Variants in RAB27B observed in about 807,000 individuals in gnomAD.
RAB27B encodes ras-related protein Rab-27B.
Under a neutral mutation model 24.6 loss-of-function variants are expected in RAB27B, and 15 were observed. The observed-to-expected ratio is 0.61, with a 90% CI of 0.41 to 0.94. The LOEUF (loss-of-function observed/expected upper bound fraction) is 0.94, where lower values mean the gene tolerates loss of function less well. Among genes scored for constraint, RAB27B ranks in the 40% least tolerant of loss-of-function variants. RAB27B has a pLI of 0.00. For missense variants in RAB27B, 261 were observed against 266.8 expected, an observed-to-expected ratio of 0.98 and a Z score of 0.15; for synonymous variants, 105 against 92.5, an observed-to-expected ratio of 1.14 and a Z score of -0.78.
chr18:54,784,119 G>A (rs1038219510), intron 2 of RAB27B, among the ~76,000 whole-genome samples: 2 of 152,138 alleles, frequency 1.3e-5, no homozygotes, highest in African/African-American at 4.8e-5. Flanking sequence ...CCTATGGCTG[G>A]AGAGTCATGC....
intron 1 of RAB27B, among the ~76,000 whole-genome samples, chr18:54,835,484 T>C (rs1910858128): frequency 6.6e-6 from 1 of 151,992 alleles, no homozygotes; most frequent in African/African-American, 2.4e-5. Flanking sequence ...TTGTAATACC[T>C]ATTCTCAAAT....
At chr18:54,808,673 T>C (rs6566871) in intron 2 of RAB27B, among the ~76,000 whole-genome samples, 110,188 of 152,080 alleles carry the variant, frequency 0.72, 40,224 homozygotes, top group Middle Eastern at 0.85. Flanking sequence ...TGTTTTCCAG[T>C]CTATAGTAAA....
chr18:54,797,731 A>G (rs7233373), intron 2 of RAB27B, among the ~76,000 whole-genome samples: 16,518 of 152,176 alleles, frequency 0.11, 1,249 homozygotes, highest in African/African-American at 0.2. Context: ...TGGCTGCCCA[A>G]TAGACTCGTC....
intron 1 of RAB27B, among the ~76,000 whole-genome samples, chr18:54,835,068 A>G (rs545743052): frequency 6.6e-6 from 1 of 152,098 alleles, no homozygotes; most frequent in East Asian, 1.9e-4. Flanking sequence ...TTCAGTTCTT[A>G]TGGTCTATTA....
chr18:54,746,257 C>A (rs935927915), intron 2 of RAB27B, among the ~76,000 whole-genome samples: 8 of 152,156 alleles, frequency 5.3e-5, no homozygotes, highest in African/African-American at 1.9e-4. Context: ...TAAGTTAGAT[C>A]TCAGGTATGA....
intron 1 of RAB27B, among the ~76,000 whole-genome samples, chr18:54,858,816 A>G (rs189391682): frequency 5.2e-4 from 79 of 152,290 alleles, no homozygotes; most frequent in African/African-American, 1.9e-3. Context: ...ACGAGTTAGG[A>G]AGAGCATTCT....
chr18:54,813,528 C>G (rs980826184), intron 2 of RAB27B, among the ~76,000 whole-genome samples: 2 of 152,154 alleles, frequency 1.3e-5, no homozygotes, highest in Non-Finnish European at 2.9e-5. Context: ...AGCATGGCAC[C>G]TCTGCCCTCT....
At chr18:54,808,400 A>T (rs1909860945) in intron 2 of RAB27B, among the ~76,000 whole-genome samples, 2 of 152,172 alleles carry the variant, frequency 1.3e-5, no homozygotes, top group Admixed American at 1.3e-4. Context: ...GACACACATC[A>T]CTTATGCACA....
chr18:54,854,231 A>G (rs1424654812), intron 1 of RAB27B, among the ~76,000 whole-genome samples: 1 of 152,208 alleles, frequency 6.6e-6, no homozygotes, highest in African/African-American at 2.4e-5. Context: ...TCAGCCAGGA[A>G]CAAAATTGTC....
chr18:54,833,433 G>T (rs967267660), intron 1 of RAB27B, among the ~76,000 whole-genome samples: 1 of 151,890 alleles, frequency 6.6e-6, no homozygotes, highest in African/African-American at 2.4e-5. Flanking sequence ...CACCATATTG[G>T]CTAGGCTGGT....
intron 5 of RAB27B, among the ~76,000 whole-genome samples, chr18:54,888,348 C>T (rs1178670639): frequency 6.6e-6 from 1 of 152,158 alleles, no homozygotes; most frequent in Non-Finnish European, 1.5e-5. Flanking sequence ...TAGACATTAA[C>T]TCATTTTAAC....
intron 3 of RAB27B, among the ~76,000 whole-genome samples, chr18:54,883,339 A>G (rs984814067): frequency 6.6e-6 from 1 of 152,190 alleles, no homozygotes; most frequent in Non-Finnish European, 1.5e-5. Context: ...AGGGGTCAAG[A>G]ATAGACCTCT....
At chr18:54,744,743 T>C (rs538501219) in intron 2 of RAB27B, 2 of 154,192 alleles carry the variant, frequency 1.3e-5, no homozygotes, top group African/African-American at 4.8e-5. Flanking sequence ...AGGGAAACTT[T>C]TACAATGGCC....
At chr18:54,838,540 G>T (rs923383209) in intron 1 of RAB27B, among the ~76,000 whole-genome samples, 1 of 152,066 alleles carries the variant, frequency 6.6e-6, no homozygotes, top group African/African-American at 2.4e-5. Flanking sequence ...ATGCCTACTT[G>T]TTCGATTGAG....
chr18:54,786,459 T>A (rs1378597342), intron 2 of RAB27B, among the ~76,000 whole-genome samples: 1 of 152,142 alleles, frequency 6.6e-6, no homozygotes, highest in Non-Finnish European at 1.5e-5. Context: ...TTAATACAAA[T>A]CAGCAATAAA....
At chr18:54,816,510 AAATG>A (rs1298132055) in intron 2 of RAB27B, among the ~76,000 whole-genome samples, 2 of 152,252 alleles carry the variant, frequency 1.3e-5, no homozygotes, top group East Asian at 1.9e-4. Flanking sequence ...ATTAATAACA[AAATG>A]AATGGTTTAA....
At chr18:54,880,015 C>G (rs1280386703) in intron 3 of RAB27B, 3 of 152,962 alleles carry the variant, frequency 2.0e-5, no homozygotes, top group African/African-American at 7.2e-5. Flanking sequence ...GTCTGAACAT[C>G]CCAGCTGAAA....
intron 2 of RAB27B, among the ~76,000 whole-genome samples, chr18:54,754,225 G>A (rs1004773047): frequency 1.3e-5 from 2 of 152,078 alleles, no homozygotes; most frequent in Admixed American, 1.3e-4. Context: ...ATAAGTGGTA[G>A]CTCCTCTCTT....
intron 1 of RAB27B, among the ~76,000 whole-genome samples, chr18:54,853,476 C>T (rs1211416147): frequency 6.6e-6 from 1 of 152,030 alleles, no homozygotes; most frequent in Non-Finnish European, 1.5e-5. Context: ...TTGATTGATT[C>T]CAGTAGTTTT....
Sources: allele counts gnomAD v4.1 joint callset (sites outside exome capture counted in the v4.1 genomes callset), GRCh38; gene constraint gnomAD v4.1.1; transcripts MANE v1.5; gene names NCBI Gene and HGNC (gene_info 2026-07-23, HGNC 2026-07-21).